Variants in PALD1 observed in about 807,000 individuals in gnomAD.
The protein encoded by PALD1 is phosphatase domain containing paladin 1.
Under a neutral mutation model 96.0 loss-of-function variants are expected in PALD1, and 57 were observed. That is an observed-to-expected ratio of 0.59 (90% CI 0.48 to 0.74). The LOEUF is 0.74. PALD1 is among the 30% of genes least tolerant of loss of function. PALD1 has a pLI of 0.00. For synonymous variants in PALD1, 464 were observed against 473.6 expected (o/e 0.98, Z 0.26); for missense variants, 1,063 against 1,143.7 (o/e 0.93, Z 1.02).
chr10:70,490,771 T>C (rs1730770154), intron 1 of PALD1, among the ~76,000 whole-genome samples: 1 of 152,174 alleles, frequency 6.6e-6, no homozygotes, highest in South Asian at 2.1e-4. Flanking sequence ...GTACTAATAA[T>C]GTTGGGCTGA....
intron 1 of PALD1, among the ~76,000 whole-genome samples, chr10:70,507,201 AG>A (rs1330244076): frequency 1.3e-5 from 2 of 151,792 alleles, no homozygotes; most frequent in African/African-American, 2.4e-5. Flanking sequence ...CGGGAGTTCA[AG>A]ACCAGCCTGG....
At position 70,478,850 on chromosome 10, in the gene PALD1, C is replaced by G. The variant is rs966463633; in HGVS notation, c.-239C>G. The G allele has an allele frequency of 6.6e-6, 1 of 151,862 alleles. No homozygotes were observed. The highest frequency in any genetic ancestry group is 6.6e-5 in the Admixed American group (1 of 15,234). 9.4% of individuals were successfully genotyped at this position (151,862 alleles called of 1,614,324 possible). On this transcript the variant is annotated 5_prime_UTR_variant, in exon 1 of 20. Coordinates refer to ENST00000263563, the MANE Select transcript of PALD1 (RefSeq NM_014431.3). ...GTCCCGTCGCCGGTGAGCACGGGCT[C>G]CCTCTCGCGTGGCCTCGCCGGGTCC...
chr10:70,549,016 C>G (rs1276253768), intron 18 of PALD1, among the ~76,000 whole-genome samples: 1 of 131,996 alleles, frequency 7.6e-6, no homozygotes, highest in African/African-American at 2.8e-5. Context: ...TGAGACCTCC[C>G]TGGGCAACAT....
intron 17 of PALD1, among the ~76,000 whole-genome samples, chr10:70,545,799 G>T (rs1281714518): frequency 6.6e-6 from 1 of 151,954 alleles, no homozygotes; most frequent in African/African-American, 2.4e-5. Flanking sequence ...AGTGGCTGGG[G>T]GCTGCTGCAG....
rs547795059 is a variant in PALD1 at position 70,518,866 on chromosome 10, G to A, written c.-29-7057G>A. Among the ~76,000 whole-genome samples, 10 of 152,156 alleles carry A rather than the reference G, an allele frequency of 6.6e-5. No individual in the cohort carries two copies. The East Asian group carries it at 1.2e-3, about 18-fold the overall frequency. On this transcript the variant is annotated intron_variant, in intron 1 of 19. Transcript: ENST00000263563. ...GCAGACACATGAGTCACACACTCTC[G>A]ACCAACACAGTGACTGACTAGCATA...
At chr10:70,547,215 G>A (rs968425881) in intron 17 of PALD1, 91 bp from the exon 18 acceptor site, 3 of 1,172,416 alleles carry the variant, frequency 2.6e-6, no homozygotes, top group Non-Finnish European at 3.8e-6. Context: ...CTTAGGCCTG[G>A]TGTGGCCTTT....
the PALD1 span, among the ~76,000 whole-genome samples, chr10:70,472,967 A>G: frequency 6.6e-6 from 1 of 152,226 alleles, no homozygotes; most frequent in Admixed American, 6.5e-5. Flanking sequence ...GGTAGGTATG[A>G]CTATCCCCAT....
chr10:70,531,615 G>C (rs561549460), intron 5 of PALD1, among the ~76,000 whole-genome samples, 161 bp downstream of exon 5: 5 of 152,184 alleles, frequency 3.3e-5, no homozygotes, highest in Non-Finnish European at 7.3e-5. Context: ...CGGGCAGCCA[G>C]AGGAAGGACT....
intron 18 of PALD1, among the ~76,000 whole-genome samples, chr10:70,557,950 T>TTTTTTTTTTTA (rs71012214): frequency 7.4e-6 from 1 of 135,226 alleles, no homozygotes; most frequent in African/African-American, 2.7e-5. Flanking sequence ...TTTTTTTTTT[T>TTTTTTTTTTTA]AGAGACAGAG....
At chr10:70,499,707 G>A (rs1489412281) in intron 1 of PALD1, among the ~76,000 whole-genome samples, 3 of 152,178 alleles carry the variant, frequency 2.0e-5, no homozygotes, top group Non-Finnish European at 2.9e-5. Flanking sequence ...GAAGCTGCCC[G>A]GGGGCCTGGA....
chr10:70,564,980 C>T (rs776123213), intron 19 of PALD1, among the ~76,000 whole-genome samples: 8 of 152,194 alleles, frequency 5.3e-5, no homozygotes, highest in Non-Finnish European at 1.2e-4. Flanking sequence ...TGACCTTGGA[C>T]CAGTGAGCCA....
chr10:70,504,034 C>T (rs1846343356), intron 1 of PALD1, among the ~76,000 whole-genome samples: 1 of 152,216 alleles, frequency 6.6e-6, no homozygotes, highest in African/African-American at 2.4e-5. Context: ...GGCAAGTTAA[C>T]CCGGACCATC....
upstream of PALD1, among the ~76,000 whole-genome samples, chr10:70,476,891 GTATTTGTATGTGTGTAT>G (rs1387108671): frequency 6.4e-4 from 1 of 1,552 alleles, no homozygotes; most frequent in East Asian, 0.019. Context: ...CAAAGTGTGT[GTATTTGTATGTGTGTAT>G]TATGTGCATA....
At chr10:70,555,172 G>T (rs984019119) in intron 18 of PALD1, among the ~76,000 whole-genome samples, 1 of 149,674 alleles carries the variant, frequency 6.7e-6, no homozygotes, top group African/African-American at 2.5e-5. Context: ...CCGGGGTTTT[G>T]CCATGTTTCC....
At chr10:70,548,257 A>G (rs1282728518) in intron 18 of PALD1, among the ~76,000 whole-genome samples, 2 of 152,086 alleles carry the variant, frequency 1.3e-5, no homozygotes, top group Admixed American at 6.5e-5. Flanking sequence ...GTGAGCCAAG[A>G]TCGTGCCATT....
the PALD1 span, among the ~76,000 whole-genome samples, chr10:70,470,575 TA>T: frequency 3.9e-4 from 56 of 141,986 alleles, no homozygotes; most frequent in African/African-American, 1.3e-3. Flanking sequence ...TAAATAATAT[TA>T]TTTTTTATTA....
At chr10:70,491,178 T>C (rs2132271041) in intron 1 of PALD1, among the ~76,000 whole-genome samples, 1 of 152,300 alleles carries the variant, frequency 6.6e-6, no homozygotes, top group Non-Finnish European at 1.5e-5. Flanking sequence ...ATCTCCTGAC[T>C]TCGTGATCCA....
chr10:70,497,669 C>A (rs940989719), intron 1 of PALD1, among the ~76,000 whole-genome samples: 2 of 151,630 alleles, frequency 1.3e-5, no homozygotes, highest in Non-Finnish European at 2.9e-5. Context: ...CGAGTTCAAG[C>A]GATTCTCCTG....
In PALD1 at chr10:70,556,279, C is replaced by CCTCCCTCTCTCCCTCTCTCTCT. The variant is rs527928462; in HGVS notation, c.2263-8082_2263-8081insCCTCTCTCCCTCTCTCTCTCTC. ...GGGCACATGTTCTCAGTAGCCGAGA[C>CCTCCCTCTCTCCCTCTCTCTCT]CTCTCTCTCTCTCTCTCTCTCTCTC... is the stretch of plus-strand genomic sequence containing the variant. On this transcript the variant is annotated intron_variant, in intron 18 of 19. Transcript: ENST00000263563. 8.3e-4 allele frequency among the ~76,000 whole-genome samples: 107 copies of CCTCCCTCTCTCCCTCTCTCTCT among 128,726 alleles called. 2 individuals carry two copies. Among genetic ancestry groups the CCTCCCTCTCTCCCTCTCTCTCT allele is most frequent in the African/African-American group, 2.6e-3 (89 of 34,388 alleles). 84.4% of individuals were successfully genotyped at this position (128,726 alleles called of 152,430 possible).
Sources: allele counts gnomAD v4.1 joint callset (sites outside exome capture counted in the v4.1 genomes callset), GRCh38; gene constraint gnomAD v4.1.1; transcripts MANE v1.5; gene names NCBI Gene and HGNC (gene_info 2026-07-23, HGNC 2026-07-21).